TRRAP: variants seen among roughly 807,000 people sequenced by gnomAD.
TRRAP encodes the protein transformation/transcription domain associated protein.
A neutral mutation model predicts 438.8 loss-of-function variants in TRRAP; 41 were observed. The ratio of observed to expected loss-of-function variants is 0.09; its 90% CI spans 0.07 to 0.12. TRRAP has a LOEUF of 0.12. Ranked by LOEUF, TRRAP falls within the 10% of genes least tolerant of loss-of-function variation. The probability of loss-of-function intolerance (pLI) is 1.00; values close to 1 mark genes in which losing one functional copy is unlikely to be tolerated. For synonymous variants in TRRAP, 1,994 were observed against 1,962.9 expected (o/e 1.02, Z -0.42); for missense variants, 3,122 against 5,055.1 (o/e 0.62, Z 11.60).
chr7:98,979,104 T>A (rs1409473759), intron 58 of TRRAP, among the ~76,000 whole-genome samples, 200 bp downstream of exon 58: 2 of 152,220 alleles, frequency 1.3e-5, no homozygotes, highest in African/African-American at 4.8e-5. Context: ...AATTGAAGAT[T>A]AGAAATAGTC....
Position 98,937,727 on chromosome 7 carries a change from C to T in TRRAP, c.4311C>T (p.Tyr1437=), listed in dbSNP as rs1554414590. The change falls in exon 30 of 73, where the codon TAC becomes TAT. Residue 1437 remains tyrosine, a synonymous_variant. Coordinates refer to ENST00000456197, the MANE Select transcript of TRRAP (RefSeq NM_001375524.1). ...MRPLLMMLGD[Y]RSLTLNVVNR... is the part of the protein sequence containing the mutation. ...CTTTGCTGATGATGCTGGGAGATTA[C>T]CGGAGCTTGACGCTGAATGTTGTGA... 4 of 1,614,062 alleles carry T rather than the reference C, an allele frequency of 2.5e-6. No individual in the cohort carries two copies. Among genetic ancestry groups the T allele is most frequent in the South Asian group, 2.2e-5 (2 of 91,064 alleles).
chr7:98,900,157 C>T (rs1554406399), intron 10 of TRRAP, among the ~76,000 whole-genome samples: 1 of 152,048 alleles, frequency 6.6e-6, no homozygotes, highest in African/African-American at 2.4e-5. Flanking sequence ...CTGTGTTCAT[C>T]CTTTGAAGCC....
intron 19 of TRRAP, among the ~76,000 whole-genome samples, chr7:98,917,086 A>C (rs1368185456): frequency 6.6e-6 from 1 of 152,184 alleles, no homozygotes; most frequent in East Asian, 1.9e-4. Context: ...TTAGTTTTAA[A>C]AACTGTTTAG....
chr7:98,950,319 G>A, intron 38 of TRRAP, 57 bp downstream of exon 38: 1 of 1,584,502 alleles, frequency 6.3e-7, no homozygotes. Context: ...GTTTTCTAGG[G>A]AACTTTGGGC....
rs545487361 is a variant in TRRAP, at chr7:98,994,743, G to T, written c.10204G>T (p.Val3402Phe). 1 of 1,614,204 alleles carries T rather than the reference G, an allele frequency of 6.2e-7. No homozygotes were observed. The highest frequency in any genetic ancestry group is 2.2e-5 in the East Asian group (1 of 44,886). The change falls in exon 67 of 73, where the codon GTC becomes TTC. Residue 3402 changes from valine (V) to phenylalanine (F), a missense_variant. Val to Phe is a conservative substitution (Grantham distance 50, BLOSUM62 -1). Around this residue, in one of 24 missense-constraint regions of TRRAP, gnomAD observed 107 missense variants for 327.5 expected, o/e 0.33. Transcript: ENST00000456197. This position sits in a 1 kb window ranked among gnomAD's most constrained non-coding sequence, Gnocchi z 4.8. ...GGTGGGCCTGGAGAATGTGTCCAAC[G>T]TCTCGACCATGTTCTCCAGCGCAGC... ...FGVGLENVSN[V>F]STMFSSAASE...
chr7:98,967,346 G>A, intron 50 of TRRAP, 139 bp from the exon 51 acceptor site: 1 of 1,249,572 alleles, frequency 8.0e-7, no homozygotes. Context: ...TGCTGCATGA[G>A]CCTGCCACGA....
chr7:98,990,594 A>G lies in TRRAP; in HGVS notation c.9731A>G (p.Lys3244Arg), dbSNP rs1364712920. 1.9e-6 allele frequency: 3 copies of G among 1,613,912 alleles called. No homozygotes were observed. The highest frequency in any genetic ancestry group is 2.5e-6 in the Non-Finnish European group (3 of 1,179,882). The change falls in exon 64 of 73, where the codon AAG becomes AGG. Residue 3244 changes from lysine (K) to arginine (R), a missense_variant. By Grantham distance (26) the Lys-to-Arg change is conservative. Transcript: ENST00000456197. Reference sequence around the variant, plus strand: ...ACCTGCCTGGTTGGCTCGGAGGGAAAGCTGCTCTTGAACCTCATTAGCCAG... The same window carrying G: ...ACCTGCCTGGTTGGCTCGGAGGGAAGGCTGCTCTTGAACCTCATTAGCCAG... ...LLTCLVGSEG[K>R]LLLNLISQVG...
chr7:98,937,337 C>G, intron 29 of TRRAP, 60 bp downstream of exon 29: 1 of 1,563,428 alleles, frequency 6.4e-7, no homozygotes, highest in African/African-American at 1.4e-5. Flanking sequence ...TGTGTGTACT[C>G]TGCATTAAGA....
chr7:98,890,029 C>G (rs552770843), intron 3 of TRRAP, among the ~76,000 whole-genome samples: 15 of 152,264 alleles, frequency 9.9e-5, no homozygotes, highest in Non-Finnish European at 1.8e-4. Flanking sequence ...AGCTAAATAA[C>G]TTCATAGAGG....
intron 4 of TRRAP, 135 bp downstream of exon 4, chr7:98,890,580 C>G (rs184372469): frequency 3.4e-6 from 2 of 592,964 alleles, no homozygotes; most frequent in Non-Finnish European, 5.6e-6. Flanking sequence ...TGTTCAAGAC[C>G]GCTGCCTCCT....
At chr7:98,894,666 G>T (rs1455130555) in intron 6 of TRRAP, among the ~76,000 whole-genome samples, 2 of 150,646 alleles carry the variant, frequency 1.3e-5, no homozygotes, top group African/African-American at 4.9e-5. Flanking sequence ...AGGCTGGAGT[G>T]CAGTGGCGCA....
At chr7:98,968,412 G>A (rs528492156) in intron 51 of TRRAP, among the ~76,000 whole-genome samples, 2 of 152,330 alleles carry the variant, frequency 1.3e-5, no homozygotes, top group East Asian at 3.9e-4. Context: ...TCGGGTGCTG[G>A]CAACACAAGC....
Position 98,956,371 on chromosome 7 carries a change from T to A in TRRAP, c.6097-28T>A. 6.2e-7 allele frequency: 1 copy of A among 1,613,542 alleles called. No individual in the cohort carries two copies. Among genetic ancestry groups the A allele is most frequent in the Non-Finnish European group, 8.5e-7 (1 of 1,179,720 alleles). On this transcript the variant is annotated intron_variant, in intron 42 of 72. Transcript: ENST00000456197. The surrounding 1 kb of genome is among the most constrained non-coding windows in gnomAD (Gnocchi z 4.5). ...TGACTTCTCCCTAGAAATCAGTCAG[T>A]AAAACCAAGCGCCTGTGTGTTTTTA... is the stretch of plus-strand genomic sequence containing the variant.
At chr7:98,940,038 C>T (rs1554415227) in intron 30 of TRRAP, among the ~76,000 whole-genome samples, 6 of 152,016 alleles carry the variant, frequency 3.9e-5, no homozygotes, top group Admixed American at 6.6e-5. Context: ...TCTGCCACCA[C>T]ACCCAGCTAA....
In TRRAP at chr7:98,964,718, A is replaced by G. The variant is rs1792072636; in HGVS notation, c.6919A>G (p.Met2307Val). The G allele has an allele frequency of 1.9e-6, 3 of 1,613,556 alleles. No homozygotes were observed. The highest frequency in any genetic ancestry group is 1.3e-5 in the African/African-American group (1 of 74,898). Reference sequence around the variant, plus strand: ...CGTCTTTATGCGCTCCCTGCAGAAGATGGTCCGGGAGCATTTAAACCCTCA... The same window carrying G: ...CGTCTTTATGCGCTCCCTGCAGAAGGTGGTCCGGGAGCATTTAAACCCTCA... The part of the protein sequence containing the change: ...ISVFMRSLQK[M>V]VREHLNPQAA... Residue 2307 changes from methionine (M) to valine (V), a missense_variant, in exon 48 of 73, where the codon ATG becomes GTG. This residue lies in a region of TRRAP where 992 missense variants were observed against 1,281.2 expected (regional missense o/e 0.77). Transcript: ENST00000456197.
chr7:98,899,833 T>G, intron 10 of TRRAP, 66 bp downstream of exon 10: 5 of 1,551,718 alleles, frequency 3.2e-6, no homozygotes, highest in Non-Finnish European at 4.4e-6. Context: ...CTTGCTGTTG[T>G]CATTCTTAAG....
intron 59 of TRRAP, among the ~76,000 whole-genome samples, chr7:98,982,890 C>T (rs1356979762): frequency 2.6e-5 from 4 of 152,112 alleles, no homozygotes; most frequent in African/African-American, 9.7e-5. Flanking sequence ...CAGGCTGTCC[C>T]GACCTTAGGC....
At chr7:98,886,927 A>G (rs782624865) in intron 3 of TRRAP, among the ~76,000 whole-genome samples, 1 of 152,132 alleles carries the variant, frequency 6.6e-6, no homozygotes, top group Non-Finnish European at 1.5e-5. Context: ...TTTAGAGACA[A>G]CGTCTTGCTA....
chr7:98,944,823 C>G (rs1055741033), intron 31 of TRRAP, among the ~76,000 whole-genome samples: 5 of 148,658 alleles, frequency 3.4e-5, no homozygotes, highest in African/African-American at 1.2e-4. Flanking sequence ...TTTTTTTTTT[C>G]TTTGAGACGG....
Sources: allele counts gnomAD v4.1 joint callset (sites outside exome capture counted in the v4.1 genomes callset), GRCh38; gene constraint gnomAD v4.1.1; regional missense constraint gnomAD v4.1.1; non-coding constraint Gnocchi (gnomAD v3.1); transcripts MANE v1.5; gene names NCBI Gene and HGNC (gene_info 2026-07-23, HGNC 2026-07-21).